CADPS: variants seen among roughly 807,000 people sequenced by gnomAD.
The protein encoded by CADPS is calcium dependent secretion activator.
A neutral mutation model predicts 167.3 loss-of-function variants in CADPS; 57 were observed. The observed-to-expected ratio is 0.34, with a 90% confidence interval of 0.28 to 0.42. The LOEUF (loss-of-function observed/expected upper bound fraction) is 0.42. Among genes scored for constraint, CADPS ranks in the 20% least tolerant of loss-of-function variants. The probability of loss-of-function intolerance (pLI) is 1.00; values close to 1 mark genes in which losing one functional copy is unlikely to be tolerated. For synonymous variants in CADPS, 676 were observed against 635.3 expected, an observed-to-expected ratio of 1.06 and a Z score of -0.96; for missense variants, 1,414 against 1,738.1, an observed-to-expected ratio of 0.81 and a Z score of 3.32.
At chr3:62,608,810 A>G (rs1291680957) in intron 6 of CADPS, among the ~76,000 whole-genome samples, 1 of 152,130 alleles carries the variant, frequency 6.6e-6, no homozygotes, top group Non-Finnish European at 1.5e-5. Flanking sequence ...TTTCCTCTGA[A>G]ATAATAAATT....
intron 3 of CADPS, among the ~76,000 whole-genome samples, chr3:62,699,339 C>T (rs1023250510): frequency 4.0e-5 from 6 of 151,744 alleles, no homozygotes; most frequent in Non-Finnish European, 8.8e-5. Flanking sequence ...GCCTGGTGTC[C>T]GTGGTTCTTC....
chr3:62,525,963 G>C (rs962104831), intron 13 of CADPS, among the ~76,000 whole-genome samples: 32 of 152,050 alleles, frequency 2.1e-4, no homozygotes, highest in African/African-American at 7.2e-4. Context: ...TGAAGAGAGG[G>C]AGAAATGGTG....
At chr3:62,427,715 T>G (rs1028587483) in intron 28 of CADPS, among the ~76,000 whole-genome samples, 5 of 152,184 alleles carry the variant, frequency 3.3e-5, no homozygotes, top group African/African-American at 1.2e-4. Flanking sequence ...GTCTTTTCTC[T>G]TTAACAGGAT....
At chr3:62,598,780 C>T (rs921877256) in intron 6 of CADPS, among the ~76,000 whole-genome samples, 3 of 152,216 alleles carry the variant, frequency 2.0e-5, no homozygotes, top group Non-Finnish European at 4.4e-5. Context: ...TGTTGCCTCC[C>T]TTGCTCATTC....
chr3:62,732,328 T>C (rs1435035957), intron 3 of CADPS, among the ~76,000 whole-genome samples: 1 of 152,154 alleles, frequency 6.6e-6, no homozygotes, highest in Admixed American at 6.5e-5. Flanking sequence ...CTGGAAAGTG[T>C]CACATGGCAA....
At chr3:62,547,193 A>G (rs1265567101) in intron 11 of CADPS, among the ~76,000 whole-genome samples, 2 of 152,196 alleles carry the variant, frequency 1.3e-5, no homozygotes, top group African/African-American at 4.8e-5. Context: ...GGGATAATAA[A>G]GTAACCATGG....
chr3:62,674,454 G>A (rs532173489), intron 3 of CADPS, among the ~76,000 whole-genome samples: 1 of 152,190 alleles, frequency 6.6e-6, no homozygotes, highest in South Asian at 2.1e-4. Flanking sequence ...GTCTACCATG[G>A]GGTTGCCATT....
chr3:62,590,947 C>T lies in CADPS; in HGVS notation c.1437+1690G>A, dbSNP rs188986301. On this transcript the variant is annotated intron_variant, in intron 7 of 29. Coordinates refer to ENST00000383710, the MANE Select transcript of CADPS (RefSeq NM_003716.4). ...TTGGCTCATTGCAACTTCTGCCTCC[C>T]GGGTTCAAGTGATTCTCCTGCCTCA... is the stretch of plus-strand genomic sequence containing the variant. Among the ~76,000 whole-genome samples the T allele has an allele frequency of 4.8e-3, 729 of 152,166 alleles. 7 individuals carry two copies. Among genetic ancestry groups the T allele is most frequent in the African/African-American group, 0.017 (687 of 41,496 alleles).
At chr3:62,639,827 T>C (rs2067062652) in intron 6 of CADPS, among the ~76,000 whole-genome samples, 1 of 152,118 alleles carries the variant, frequency 6.6e-6, no homozygotes, top group Admixed American at 6.5e-5. Context: ...CCTCAATGAC[T>C]AATTTCTAGG....
intron 6 of CADPS, among the ~76,000 whole-genome samples, chr3:62,594,992 G>T (rs949759446): frequency 1.3e-5 from 2 of 151,986 alleles, no homozygotes; most frequent in African/African-American, 4.8e-5. Context: ...CTACTAGTGG[G>T]CTTGAACATT....
chr3:62,401,210 C>T (rs944253434), intron 29 of CADPS, among the ~76,000 whole-genome samples: 3 of 152,186 alleles, frequency 2.0e-5, no homozygotes, highest in Non-Finnish European at 4.4e-5. Context: ...CAGATATCTA[C>T]ACAATTAACT....
intron 1 of CADPS, among the ~76,000 whole-genome samples, chr3:62,847,300 T>G (rs910481849): frequency 6.7e-6 from 1 of 149,388 alleles, no homozygotes; most frequent in Non-Finnish European, 1.5e-5. Context: ...TTTTATACTT[T>G]AAGTTTTAGG....
rs752436533 is a variant in CADPS, at chr3:62,536,574, A to G, written c.1974T>C (p.Asp658=). 4 of 1,613,042 alleles carry G rather than the reference A, an allele frequency of 2.5e-6. No homozygotes were observed. The highest frequency in any genetic ancestry group is 4.5e-5 in the East Asian group (2 of 44,866). Residue 658 remains aspartate, a synonymous_variant, in exon 12 of 30, where the codon GAT becomes GAC. Coordinates refer to ENST00000383710, the MANE Select transcript of CADPS (RefSeq NM_003716.4). ...CATCCATGCCATGTTTTTGAGCTCT[A>G]TCTGCGTCTGTTCATTTATACATGT... The part of the protein sequence containing the change: ...LDAPISQFYA[D]RAQKHGMDEF...
intron 3 of CADPS, among the ~76,000 whole-genome samples, chr3:62,748,672 A>T (rs2082062827): frequency 6.6e-6 from 1 of 152,128 alleles, no homozygotes; most frequent in African/African-American, 2.4e-5. Flanking sequence ...TCTTAGCCTC[A>T]TTTCTCAGAT....
intron 3 of CADPS, among the ~76,000 whole-genome samples, chr3:62,704,216 G>A (rs13081878): frequency 0.079 from 12,090 of 152,190 alleles, 633 homozygotes; most frequent in Non-Finnish European, 0.12. Context: ...ATAAAATAGG[G>A]TTTGAGACAG....
At chr3:62,692,041 C>T (rs371066299) in intron 3 of CADPS, among the ~76,000 whole-genome samples, 1 of 152,002 alleles carries the variant, frequency 6.6e-6, no homozygotes, top group African/African-American at 2.4e-5. Context: ...GAAACATTGT[C>T]ACTTAGCATC....
intron 3 of CADPS, among the ~76,000 whole-genome samples, chr3:62,745,911 C>G (rs897482508): frequency 7.9e-5 from 12 of 152,060 alleles, no homozygotes; most frequent in African/African-American, 2.9e-4. Context: ...AAGAGATAGA[C>G]AATAATAGAA....
intron 8 of CADPS, 63 bp downstream of exon 8, chr3:62,585,122 T>C (rs1578246965): frequency 6.7e-7 from 1 of 1,503,208 alleles, no homozygotes. Context: ...TTTATTTTTG[T>C]TTTCATTTTG....
chr3:62,869,866 G>T (rs1444158305), intron 1 of CADPS, among the ~76,000 whole-genome samples: 1 of 152,092 alleles, frequency 6.6e-6, no homozygotes, highest in East Asian at 1.9e-4. Flanking sequence ...ACAGATGCTG[G>T]TTATATTTCA....
Sources: allele counts gnomAD v4.1 joint callset (sites outside exome capture counted in the v4.1 genomes callset), GRCh38; gene constraint gnomAD v4.1.1; transcripts MANE v1.5; gene names NCBI Gene and HGNC (gene_info 2026-07-23, HGNC 2026-07-21).